Variants in SRGAP2B observed in about 807,000 individuals in gnomAD.
SRGAP2B encodes SLIT-ROBO Rho GTPase activating protein 2B.
A neutral mutation model predicts 22.2 loss-of-function variants in SRGAP2B; 9 were observed. The observed-to-expected ratio is 0.41, with a 90% CI of 0.24 to 0.71. The LOEUF is 0.71. Among genes scored for constraint, SRGAP2B ranks in the 30% least tolerant of loss-of-function variants. The pLI is 0.35. For synonymous variants in SRGAP2B, 36 were observed against 87.4 expected (o/e 0.41, Z 3.28); for missense variants, 114 against 235.8 (o/e 0.48, Z 3.38).
intron 2 of SRGAP2B, among the ~76,000 whole-genome samples, chr1:144,997,418 A>G (rs6600701): frequency 0.012 from 1,870 of 150,416 alleles, 100 homozygotes; most frequent in African/African-American, 0.042. Flanking sequence ...GCGACAGAGC[A>G]AGACTCCGTC....
intron 3 of SRGAP2B, among the ~76,000 whole-genome samples, chr1:144,980,027 G>A (rs1669203206): frequency 1.3e-5 from 2 of 150,512 alleles, no homozygotes; most frequent in South Asian, 2.1e-4. Flanking sequence ...GAAAACAGGA[G>A]CAAGAACAAG....
chr1:144,931,687 G>A (rs1388161243), intron 4 of SRGAP2B, among the ~76,000 whole-genome samples: 1 of 149,858 alleles, frequency 6.7e-6, no homozygotes, highest in Non-Finnish European at 1.5e-5. Context: ...AGTTCAAAGG[G>A]CAAATGGCAA....
chr1:144,970,080 T>A (rs1339897939), intron 3 of SRGAP2B, among the ~76,000 whole-genome samples: 53 of 148,046 alleles, frequency 3.6e-4, no homozygotes, highest in Non-Finnish European at 6.3e-4. Context: ...ATTGTGGAAG[T>A]CAGTGTGGCG....
chr1:144,942,704 G>A lies in SRGAP2B; in HGVS notation c.423+12735C>T, dbSNP rs190329066. 2.5e-4 allele frequency among the ~76,000 whole-genome samples: 38 copies of A among 151,866 alleles called. No homozygotes were observed. In the East Asian group the frequency reaches 4.3e-3, roughly 17 times the overall value. ...CAAAGTGCTGGGATTACAGACATAA[G>A]CCACTGTGCCCAGCCTCAGAGAGGC... On this transcript the variant is annotated intron_variant, in intron 4 of 9. Transcript: ENST00000612199.
At chr1:145,044,203 C>T (rs1174887962) in intron 2 of SRGAP2B, among the ~76,000 whole-genome samples, 2 of 132,104 alleles carry the variant, frequency 1.5e-5, no homozygotes, top group South Asian at 5.0e-4. Flanking sequence ...GATCCTGGAA[C>T]ACCTTTTTTT....
chr1:144,980,028 CA>C (rs1553614850), intron 3 of SRGAP2B, among the ~76,000 whole-genome samples: 1 of 150,206 alleles, frequency 6.7e-6, no homozygotes, highest in African/African-American at 2.5e-5. Flanking sequence ...AAAACAGGAG[CA>C]AGAACAAGAC....
At chr1:144,915,453 C>T (rs1181680531) in intron 4 of SRGAP2B, among the ~76,000 whole-genome samples, 6 of 150,742 alleles carry the variant, frequency 4.0e-5, no homozygotes, top group African/African-American at 7.4e-5. Context: ...GGGCTGGGCA[C>T]GGTGGCTCAC....
chr1:145,084,077 T>G (rs1382248985), intron 2 of SRGAP2B, among the ~76,000 whole-genome samples: 2 of 140,634 alleles, frequency 1.4e-5, no homozygotes, highest in African/African-American at 5.3e-5. Flanking sequence ...TTTTCTTTTT[T>G]TTTTTTTTTT....
At chr1:144,908,264 C>T (rs1264378286) in intron 5 of SRGAP2B, among the ~76,000 whole-genome samples, 12 of 150,050 alleles carry the variant, frequency 8.0e-5, no homozygotes, top group Non-Finnish European at 1.8e-4. Context: ...AAAGAGAAAA[C>T]GTTATGAATA....
At chr1:144,960,597 T>A (rs1439501632) in intron 3 of SRGAP2B, among the ~76,000 whole-genome samples, 1 of 150,396 alleles carries the variant, frequency 6.6e-6, no homozygotes, top group Non-Finnish European at 1.5e-5. Context: ...AAGGTCCAAG[T>A]TGGCCTCTCT....
chr1:144,923,075 G>A (rs1553604510), intron 4 of SRGAP2B, among the ~76,000 whole-genome samples: 1 of 150,104 alleles, frequency 6.7e-6, no homozygotes, highest in East Asian at 1.9e-4. Flanking sequence ...TGGGAGTTCA[G>A]GGGAGTTCAG....
intron 4 of SRGAP2B, among the ~76,000 whole-genome samples, chr1:144,920,816 T>A (rs1664190933): frequency 6.6e-6 from 1 of 150,770 alleles, no homozygotes; most frequent in African/African-American, 2.5e-5. Context: ...ACTTGAGGAA[T>A]TAATAAAGAA....
intron 4 of SRGAP2B, among the ~76,000 whole-genome samples, chr1:144,939,346 TA>T (rs1344746562): frequency 2.0e-5 from 3 of 150,720 alleles, no homozygotes; most frequent in African/African-American, 7.5e-5. Flanking sequence ...TGGAAGCAGG[TA>T]ATTAAAATAA....
chr1:144,939,819 C>A (rs1357798051), intron 4 of SRGAP2B, among the ~76,000 whole-genome samples: 4 of 147,256 alleles, frequency 2.7e-5, no homozygotes, highest in Admixed American at 2.7e-4. Flanking sequence ...TACTCTCCAC[C>A]CTCAAAATGA....
chr1:144,973,153 A>G (rs1263289948), intron 3 of SRGAP2B, among the ~76,000 whole-genome samples: 1 of 149,520 alleles, frequency 6.7e-6, no homozygotes, highest in Non-Finnish European at 1.5e-5. Flanking sequence ...CTCAGAGTAC[A>G]TCACACAAAG....
At chr1:145,080,747 G>A (rs1316198571) in intron 2 of SRGAP2B, among the ~76,000 whole-genome samples, 4 of 149,320 alleles carry the variant, frequency 2.7e-5, no homozygotes, top group Non-Finnish European at 5.9e-5. Context: ...TAGAGACAGG[G>A]TTTCACCATG....
chr1:145,006,774 C>G, intron 2 of SRGAP2B, among the ~76,000 whole-genome samples: 1 of 150,898 alleles, frequency 6.6e-6, no homozygotes, highest in African/African-American at 2.5e-5. Flanking sequence ...TCACATATCC[C>G]ATTCATTAAG....
intron 4 of SRGAP2B, among the ~76,000 whole-genome samples, chr1:144,952,781 A>G (rs1241784738): frequency 6.6e-6 from 1 of 150,738 alleles, no homozygotes; most frequent in Non-Finnish European, 1.5e-5. Flanking sequence ...CTGTGGCTAC[A>G]GGCACAGGCC....
At position 144,891,613 on chromosome 1, in the gene SRGAP2B, A is replaced by G. The variant is rs1192377760; in HGVS notation, c.*547T>C. On this transcript the variant is annotated 3_prime_UTR_variant, in exon 10 of 10. Transcript: ENST00000612199. ...AAAAAAAAAGAGAAAAAAGGGTCCA[A>G]CTGTCTAAAAGAAGACTAGAGATAC... 139 of 135,506 alleles carry G rather than the reference A, an allele frequency of 1.0e-3. 5 individuals are homozygous for G. Among genetic ancestry groups the G allele is most frequent in the Non-Finnish European group, 1.7e-3 (111 of 63,866 alleles). The allele number at this position is 135,506 out of a possible 1,614,324, so 8.4% of individuals were successfully genotyped here. A position where few individuals can be genotyped will look rare whatever the true frequency, so the allele number is the denominator to read the frequency against.
Sources: gnomAD v4.1 joint callset for allele counts (sites outside exome capture counted in the v4.1 genomes callset) on GRCh38, gnomAD v4.1.1 for gene constraint, MANE v1.5 for transcripts, NCBI Gene and HGNC (gene_info 2026-07-23, HGNC 2026-07-21) for gene names.